Variants in ANKRD62 observed in about 807,000 individuals in gnomAD.
ANKRD62 encodes ankyrin repeat domain 62, also known as ankyrin repeat domain-containing protein 62.
Under a neutral mutation model 98.8 loss-of-function variants are expected in ANKRD62, and 61 were observed. That is an observed-to-expected ratio of 0.62 (90% CI 0.50 to 0.76). ANKRD62 has a LOEUF of 0.76. Among genes scored for constraint, ANKRD62 ranks in the 30% least tolerant of loss-of-function variants. The probability of loss-of-function intolerance (pLI) is 0.00; values close to 1 mark genes in which losing one functional copy is unlikely to be tolerated. For synonymous variants in ANKRD62, 341 were observed against 367.9 expected (o/e 0.93, Z 0.84); for missense variants, 933 against 1,082.9 (o/e 0.86, Z 1.94).
chr18:12,159,966 C>G, the ANKRD62 span, among the ~76,000 whole-genome samples: 2 of 152,140 alleles, frequency 1.3e-5, no homozygotes, highest in African/African-American at 4.8e-5. Context: ...ACCTTGCACA[C>G]TTACTATAGG....
At chr18:12,155,651 C>G in the ANKRD62 span, among the ~76,000 whole-genome samples, 4 of 152,270 alleles carry the variant, frequency 2.6e-5, 1 homozygote, top group South Asian at 8.3e-4. Flanking sequence ...CCTTTCCTCT[C>G]TTAATCTCAA....
the ANKRD62 span, among the ~76,000 whole-genome samples, chr18:12,153,490 G>A: frequency 6.6e-6 from 1 of 151,368 alleles, no homozygotes; most frequent in African/African-American, 2.4e-5. Context: ...TACTCAGGAG[G>A]CTGAAGCAAG....
chr18:12,103,173 T>C lies in ANKRD62; in HGVS notation c.836T>C (p.Met279Thr). ...TTGTGAGCAGAACAAGACTTAGAAA[T>C]GACATCAGAGGGAGAGCAAGAAAGG... ...QNSNSEQDLE[M>T]TSEGEQERLE... The change falls in exon 7 of 14, where the codon ATG becomes ACG. Residue 279 changes from methionine (M) to threonine (T), a missense_variant. This residue lies in a region of ANKRD62 where 549 missense variants were observed against 587.9 expected (regional missense o/e 0.93). Transcript: ENST00000587848. 1 of 1,382,030 alleles carries C rather than the reference T, an allele frequency of 7.2e-7. No individual in the cohort carries two copies. Among genetic ancestry groups the C allele is most frequent in the Non-Finnish European group, 9.4e-7 (1 of 1,058,766 alleles). The allele number at this position is 1,382,030 out of a possible 1,614,324, so 85.6% of individuals were successfully genotyped here.
chr18:12,166,194 G>T, the ANKRD62 span, among the ~76,000 whole-genome samples: 1 of 152,030 alleles, frequency 6.6e-6, no homozygotes, highest in Non-Finnish European at 1.5e-5. Flanking sequence ...GGTTTCGGAA[G>T]TTCTCAGATA....
the ANKRD62 span, among the ~76,000 whole-genome samples, chr18:12,151,100 A>C: frequency 6.6e-6 from 1 of 152,214 alleles, no homozygotes; most frequent in Non-Finnish European, 1.5e-5. Context: ...AAAATCTACC[A>C]AGCAAATGGA....
the ANKRD62 span, among the ~76,000 whole-genome samples, chr18:12,170,093 T>A: frequency 6.6e-6 from 1 of 152,260 alleles, no homozygotes; most frequent in African/African-American, 2.4e-5. Flanking sequence ...CCTGGATTCA[T>A]TGATTTTTTG....
rs1279732140 is a variant in ANKRD62 at position 12,095,161 on chromosome 18, A to G, written c.219-10A>G. On this transcript the variant is annotated splice_polypyrimidine_tract_variant and intron_variant, in intron 1 of 13. Coordinates refer to ENST00000587848, the MANE Select transcript of ANKRD62 (RefSeq NM_001277333.2). The stretch of plus-strand genomic sequence containing the variant: ...CTACAATTGCCTAAAGCGACCTCTC[A>G]TTCTCACAGGACTGCTCTACTTTTG... 13 of 1,535,254 alleles carry G rather than the reference A, an allele frequency of 8.5e-6. No homozygotes were observed. The highest frequency in any genetic ancestry group is 9.6e-6 in the Non-Finnish European group (11 of 1,145,956).
intron 10 of ANKRD62, among the ~76,000 whole-genome samples, chr18:12,118,377 G>C (rs535757798): frequency 6.6e-6 from 1 of 152,280 alleles, no homozygotes; most frequent in Admixed American, 6.5e-5. Flanking sequence ...GGGAGGCCAA[G>C]ATGGGTGGAT....
At chr18:12,171,725 G>C in the ANKRD62 span, among the ~76,000 whole-genome samples, 1 of 152,220 alleles carries the variant, frequency 6.6e-6, no homozygotes, top group Non-Finnish European at 1.5e-5. Context: ...GTAATATCCT[G>C]CAGAGTGTTT....
chr18:12,118,321 T>C (rs76320735), intron 10 of ANKRD62, among the ~76,000 whole-genome samples: 31,606 of 152,150 alleles, frequency 0.21, 4,232 homozygotes, highest in East Asian at 0.54. Context: ...AAAGTAGCCT[T>C]TTTAGGCCGG....
the ANKRD62 span, among the ~76,000 whole-genome samples, chr18:12,159,427 TC>T: frequency 2.6e-5 from 4 of 152,236 alleles, no homozygotes; most frequent in South Asian, 8.3e-4. Context: ...AGACAGTTTC[TC>T]CCTCTCCCCA....
chr18:12,131,602 T>A (rs529167240), downstream of ANKRD62, among the ~76,000 whole-genome samples: 2 of 152,226 alleles, frequency 1.3e-5, no homozygotes, highest in Non-Finnish European at 2.9e-5. Context: ...AACAAAGGCA[T>A]CATCAACTTC....
At chr18:12,131,339 A>G (rs1910000806), downstream of ANKRD62, among the ~76,000 whole-genome samples, 1 of 152,228 alleles carries the variant, frequency 6.6e-6, no homozygotes, top group South Asian at 2.1e-4. Context: ...TGGATTTCTG[A>G]AATAAATATA....
the ANKRD62 span, among the ~76,000 whole-genome samples, chr18:12,174,509 G>A: frequency 4.6e-5 from 7 of 152,148 alleles, no homozygotes; most frequent in South Asian, 2.1e-4. Context: ...CATTTCAGCT[G>A]TTTCAGCCTA....
At position 12,094,096 on chromosome 18, in the gene ANKRD62, T is replaced by C. The variant is rs1909110877; in HGVS notation, c.79T>C (p.Phe27Leu). ...GAGGAAGAATCGTGACAAGGATGGC[T>C]TCTCAAATCCCGGGTACCGAGTCCG... ...TWRKNRDKDG[F>L]SNPGYRVRQK... The change falls in exon 1 of 14, where the codon TTC (phenylalanine) becomes CTC (leucine). Residue 27 changes from phenylalanine (F) to leucine (L), a missense_variant. Phe to Leu is a conservative substitution (Grantham distance 22). Coordinates refer to ENST00000587848, the MANE Select transcript of ANKRD62 (RefSeq NM_001277333.2). The C allele has an allele frequency of 6.5e-7, 1 of 1,534,606 alleles. No homozygotes were observed. Among genetic ancestry groups the C allele is most frequent in the Non-Finnish European group, 8.7e-7 (1 of 1,146,674 alleles).
chr18:12,134,942 C>T, the ANKRD62 span, among the ~76,000 whole-genome samples: 38 of 152,252 alleles, frequency 2.5e-4, no homozygotes, highest in East Asian at 5.2e-3. Context: ...CCTGAGGAAT[C>T]GCCACACTGA....
At chr18:12,140,920 G>C in the ANKRD62 span, among the ~76,000 whole-genome samples, 1 of 152,240 alleles carries the variant, frequency 6.6e-6, no homozygotes, top group South Asian at 2.1e-4. Context: ...GGTTATTGCT[G>C]TCTTTTTTTT....
At position 12,096,219 on chromosome 18, in the gene ANKRD62, C is replaced by T. The variant is rs1410148775; in HGVS notation, c.531C>T (p.Leu177=). The T allele has an allele frequency of 7.8e-6, 12 of 1,534,362 alleles. No individual in the cohort carries two copies. Among genetic ancestry groups the T allele is most frequent in the Non-Finnish European group, 9.6e-6 (11 of 1,144,974 alleles). Residue 177 remains leucine (L), a synonymous_variant, in exon 4 of 14, where the codon CTC becomes CTT. Transcript: ENST00000587848. ...AGGATGGACATACATCACTTTTACT[C>T]GCTGTAAATAGGAAAAAAGAGCAAA... ...RSQDGHTSLL[L]AVNRKKEQMV... is the part of the protein sequence containing the mutation.
chr18:12,106,195 C>T (rs746951721), intron 7 of ANKRD62, among the ~76,000 whole-genome samples: 2 of 152,144 alleles, frequency 1.3e-5, no homozygotes, highest in Non-Finnish European at 2.9e-5. Context: ...ACAACTTCCG[C>T]ATGTTTCTGT....
Sources: allele counts gnomAD v4.1 joint callset (sites outside exome capture counted in the v4.1 genomes callset), GRCh38; gene constraint gnomAD v4.1.1; regional missense constraint gnomAD v4.1.1; transcripts MANE v1.5; gene names NCBI Gene and HGNC (gene_info 2026-07-23, HGNC 2026-07-21).